HYKK: variants seen among roughly 807,000 people sequenced by gnomAD.
The protein encoded by HYKK is hydroxylysine kinase.
HYKK carries 19 observed loss-of-function variants against 29.7 expected under a neutral mutation model. The observed-to-expected ratio is 0.64, with a 90% confidence interval of 0.45 to 0.94. The LOEUF is 0.94. Ranked by LOEUF, HYKK falls within the 40% of genes least tolerant of loss-of-function variation. The probability of loss-of-function intolerance (pLI) is 0.00; values close to 1 mark genes in which losing one functional copy is unlikely to be tolerated. For missense variants in HYKK, 390 were observed against 443.4 expected (o/e 0.88, Z 1.08); for synonymous variants, 152 against 158.1 (o/e 0.96, Z 0.29).
chr15:78,512,400 C>CTTTTTTTTTTTTTTTTTTTTTTTTT (rs902963099), intron 1 of HYKK, among the ~76,000 whole-genome samples: 1 of 125,682 alleles, frequency 8.0e-6, no homozygotes, highest in Non-Finnish European at 1.7e-5. Flanking sequence ...TTTTCTTTTT[C>CTTTTTTTTTTTTTTTTTTTTTTTTT]TTTTTTTTTT....
chr15:78,532,115 G>A (rs939579999), intron 4 of HYKK, among the ~76,000 whole-genome samples: 3 of 152,304 alleles, frequency 2.0e-5, no homozygotes, highest in East Asian at 3.9e-4. Context: ...TTAAATCCGT[G>A]CTTCTTAGAC....
In HYKK at chr15:78,515,058, T is replaced by C. The variant is rs1596028037; in HGVS notation, c.428T>C (p.Leu143Pro). ...GCTGAGCTTCCCGTCAGCCCCCAGC[T>C]ATTGTATGAAATTGGAAAACTAGCT... ...PIAELPVSPQ[L>P]LYEIGKLAAK... The change falls in exon 3 of 5, where the codon CTA (leucine) becomes CCA (proline). Residue 143 changes from leucine to proline, a missense_variant. By Grantham distance (98) the Leu-to-Pro change is moderately conservative. Coordinates refer to ENST00000388988, the MANE Select transcript of HYKK (RefSeq NM_001013619.4). 1.2e-6 allele frequency: 2 copies of C among 1,602,552 alleles called. No homozygotes were observed. Among genetic ancestry groups the C allele is most frequent in the Non-Finnish European group, 8.5e-7 (1 of 1,173,628 alleles).
At chr15:78,524,992 G>A (rs1567021371) in intron 3 of HYKK, among the ~76,000 whole-genome samples, 1 of 151,964 alleles carries the variant, frequency 6.6e-6, no homozygotes, top group Non-Finnish European at 1.5e-5. Flanking sequence ...AGATTTGGTG[G>A]GGACACAGAT....
At chr15:78,508,978 T>C (rs1044992130) in intron 1 of HYKK, among the ~76,000 whole-genome samples, 1 of 149,624 alleles carries the variant, frequency 6.7e-6, no homozygotes, top group African/African-American at 2.5e-5. Context: ...AGCCCAGGAG[T>C]TGGAAGCTGC....
At chr15:78,521,164 G>A (rs1567019765) in intron 3 of HYKK, among the ~76,000 whole-genome samples, 1 of 152,172 alleles carries the variant, frequency 6.6e-6, no homozygotes, top group Non-Finnish European at 1.5e-5. Flanking sequence ...GGTCAGGTAG[G>A]CCTGTGGGAT....
At chr15:78,512,732 T>C (rs1360580169) in intron 1 of HYKK, among the ~76,000 whole-genome samples, 2 of 152,174 alleles carry the variant, frequency 1.3e-5, no homozygotes, top group Admixed American at 1.3e-4. Context: ...TGACTTAATA[T>C]GTAACTTTGG....
chr15:78,508,916 C>T (rs2052043508), intron 1 of HYKK, among the ~76,000 whole-genome samples: 1 of 134,212 alleles, frequency 7.5e-6, no homozygotes, highest in South Asian at 2.5e-4. Context: ...GGCATGGTGG[C>T]ACCTGCCTGC....
intron 4 of HYKK, among the ~76,000 whole-genome samples, chr15:78,531,675 G>A (rs773992432): frequency 6.6e-6 from 1 of 152,044 alleles, no homozygotes; most frequent in African/African-American, 2.4e-5. Flanking sequence ...GGGACTACAG[G>A]TGCCCACCAC....
Position 78,533,242 on chromosome 15 carries a change from A to G in HYKK, c.694A>G (p.Ile232Val), listed in dbSNP as rs763848330. ...INHGDLNDHN[I>V]LIESSKSASG... ...TCACGGAGATCTTAATGACCATAAT[A>G]TTTTAATAGAGTCCAGCAAGTCAGC... is the stretch of plus-strand genomic sequence containing the variant. The change falls in exon 5 of 5, where the codon ATT becomes GTT. Residue 232 changes from isoleucine to valine, a missense_variant. Ile to Val is a conservative substitution (Grantham distance 29). Coordinates refer to ENST00000388988, the MANE Select transcript of HYKK (RefSeq NM_001013619.4). 6.2e-7 allele frequency: 1 copy of G among 1,612,374 alleles called. No individual in the cohort carries two copies. Among genetic ancestry groups the G allele is most frequent in the Non-Finnish European group, 8.5e-7 (1 of 1,178,494 alleles).
intron 4 of HYKK, among the ~76,000 whole-genome samples, chr15:78,529,473 A>C (rs1347116994): frequency 6.6e-6 from 1 of 152,202 alleles, no homozygotes; most frequent in African/African-American, 2.4e-5. Context: ...GATAATAACA[A>C]TGTTTTCAAA....
intron 1 of HYKK, 80 bp downstream of exon 1, chr15:78,507,751 C>T (rs2052027927): frequency 6.6e-6 from 1 of 152,168 alleles, no homozygotes; most frequent in Non-Finnish European, 1.5e-5. Flanking sequence ...GGCAGGGAGG[C>T]TCGCTGCAAG....
chr15:78,531,086 C>T (rs1233841012), intron 4 of HYKK, among the ~76,000 whole-genome samples: 1 of 152,054 alleles, frequency 6.6e-6, no homozygotes, highest in East Asian at 1.9e-4. Flanking sequence ...TGGTCTTGAA[C>T]TCCTGGCCTC....
At chr15:78,537,018 A>C (rs1229509383), downstream of HYKK, among the ~76,000 whole-genome samples, 1 of 152,190 alleles carries the variant, frequency 6.6e-6, no homozygotes, top group Non-Finnish European at 1.5e-5. Flanking sequence ...GGACTTAACC[A>C]GCGGCCCCTC....
chr15:78,519,751 A>G (rs1011290250), intron 3 of HYKK, among the ~76,000 whole-genome samples: 8 of 152,214 alleles, frequency 5.3e-5, no homozygotes, highest in Admixed American at 1.3e-4. Context: ...AAAGAGTGAG[A>G]CAACGTCTCA....
At chr15:78,530,351 C>A (rs868054015) in intron 4 of HYKK, among the ~76,000 whole-genome samples, 16 of 152,162 alleles carry the variant, frequency 1.1e-4, no homozygotes, top group Middle Eastern at 3.4e-3. Flanking sequence ...CAGGCGTGTG[C>A]CACCATGCCT....
chr15:78,512,612 G>A (rs2052085937), intron 1 of HYKK, among the ~76,000 whole-genome samples: 1 of 151,736 alleles, frequency 6.6e-6, no homozygotes, highest in Non-Finnish European at 1.5e-5. Flanking sequence ...ATGTTGGCCA[G>A]GCTGGTCTCA....
Position 78,513,278 on chromosome 15 carries a change from C to T in HYKK, c.190C>T (p.Leu64Phe), listed in dbSNP as rs1478897537. Residue 64 changes from leucine (L) to phenylalanine (F), a missense_variant, in exon 2 of 5, where the codon CTC becomes TTC. Transcript: ENST00000388988. The stretch of plus-strand genomic sequence containing the variant: ...CAAAGATGGCCCAACTGAATATGTC[C>T]TCAAAATAAGCAACACCAAGGCTAG... ...KTKDGPTEYV[L>F]KISNTKASKN... The T allele has an allele frequency of 6.2e-7, 1 of 1,614,166 alleles. No individual in the cohort carries two copies. The highest frequency in any genetic ancestry group is 1.7e-5 in the Admixed American group (1 of 60,018).
At chr15:78,532,821 A>T (rs943409898) in intron 4 of HYKK, among the ~76,000 whole-genome samples, 3 of 152,030 alleles carry the variant, frequency 2.0e-5, no homozygotes, top group African/African-American at 7.2e-5. Context: ...AATAAAATAA[A>T]ATCCTAGATG....
At chr15:78,518,677 G>T (rs779780900) in intron 3 of HYKK, 2 of 436,064 alleles carry the variant, frequency 4.6e-6, no homozygotes, top group South Asian at 3.2e-5. Context: ...CAGCACTTTG[G>T]GAGGCCGAGG....
Sources: gnomAD v4.1 joint callset for allele counts (sites outside exome capture counted in the v4.1 genomes callset) on GRCh38, gnomAD v4.1.1 for gene constraint, MANE v1.5 for transcripts, NCBI Gene and HGNC (gene_info 2026-07-23, HGNC 2026-07-21) for gene names.